Variants in COMMD9 observed in about 807,000 individuals in gnomAD.
COMMD9 encodes COMM domain-containing protein 9.
COMMD9 carries 22 observed loss-of-function variants against 23.4 expected under a neutral mutation model. That is an observed-to-expected ratio of 0.94 (90% CI 0.67 to 1.34). The LOEUF (loss-of-function observed/expected upper bound fraction) is 1.34, where lower values mean the gene tolerates loss of function less well. Among genes scored for constraint, COMMD9 ranks in the 40% most tolerant of loss-of-function variants. The pLI, the probability that COMMD9 is intolerant of heterozygous loss-of-function variation, is 0.00. For synonymous variants in COMMD9, 99 were observed against 97.4 expected (o/e 1.02, Z -0.10); for missense variants, 231 against 240.2 (o/e 0.96, Z 0.25).
Position 36,280,729 on chromosome 11 carries a change from G to GGGTC in COMMD9, c.156_159dup (p.Gln54AspfsTer17), listed in dbSNP as rs780606592. 1 of 1,604,250 alleles carries GGGTC rather than the reference G, an allele frequency of 6.2e-7. No homozygotes were observed. Among genetic ancestry groups the GGGTC allele is most frequent in the South Asian group, 1.1e-5 (1 of 89,442 alleles). On this transcript the variant is annotated frameshift_variant, in exon 2 of 6. Coordinates refer to ENST00000263401, the MANE Select transcript of COMMD9 (RefSeq NM_014186.4). LOFTEE classifies it high-confidence loss of function. ...ACACTTACTTCCTCTGCCTCCTCCTGGGTCACAGACAAGCTGGAACATGTA... is the reference window on the plus strand; with the variant it reads ...ACACTTACTTCCTCTGCCTCCTCCTGGGTCGGTCACAGACAAGCTGGAACATGTA...
chr11:36,289,312 G>A, intron 1 of COMMD9, 50 bp downstream of exon 1: 1 of 1,530,616 alleles, frequency 6.5e-7, no homozygotes, highest in Non-Finnish European at 8.8e-7. Flanking sequence ...TCCGTCTAAA[G>A]TCTCGGAGAC....
chr11:36,280,815 C>A lies in COMMD9; in HGVS notation c.74G>T (p.Arg25Ile). 6.3e-7 allele frequency: 1 copy of A among 1,593,248 alleles called. No individual in the cohort carries two copies. The highest frequency in any genetic ancestry group is 1.1e-5 in the South Asian group (1 of 87,894). The change falls in exon 2 of 6, where the codon AGA (arginine) becomes ATA (isoleucine). Residue 25 changes from arginine (R) to isoleucine (I), a missense_variant. Transcript: ENST00000263401. ...LLKASSKDVV[R>I]QLCQESFSSS... Reference sequence around the variant, plus strand: ...GGAAAAGCTTTCTTGACACAGCTGTCTGACAACATCTTTCGAGGAGGCCTA... The same window carrying A: ...GGAAAAGCTTTCTTGACACAGCTGTATGACAACATCTTTCGAGGAGGCCTA...
intron 1 of COMMD9, among the ~76,000 whole-genome samples, chr11:36,284,158 A>G (rs1418589867): frequency 6.6e-6 from 1 of 152,140 alleles, no homozygotes; most frequent in Non-Finnish European, 1.5e-5. Flanking sequence ...CCCTTCAAAT[A>G]TAAGACATAA....
Position 36,273,622 on chromosome 11 carries a change from C to CT in COMMD9, c.*1009_*1010insA, listed in dbSNP as rs1211709695. 2 of 152,378 alleles carry CT rather than the reference C, an allele frequency of 1.3e-5. No homozygotes were observed. The highest frequency in any genetic ancestry group is 2.4e-5 in the African/African-American group (1 of 41,464). 9.4% of individuals were successfully genotyped at this position (152,378 alleles called of 1,614,324 possible). A position where few individuals can be genotyped will look rare whatever the true frequency, so the allele number is the denominator to read the frequency against. ...TCAGCCTCCCGAGGAGCTGGGACTA[C>CT]AGATGCCCGCCACCGCGCCCAGCTA... On this transcript the variant is annotated 3_prime_UTR_variant, in exon 6 of 6. Coordinates refer to ENST00000263401, the MANE Select transcript of COMMD9 (RefSeq NM_014186.4).
rs1046931831 is a variant in COMMD9, at chr11:36,273,591, C to T, written c.*1041G>A. 1 of 152,314 alleles carries T rather than the reference C, an allele frequency of 6.6e-6. No individual in the cohort carries two copies. Among genetic ancestry groups the T allele is most frequent in the African/African-American group, 2.4e-5 (1 of 41,464 alleles). 9.4% of individuals were successfully genotyped at this position (152,314 alleles called of 1,614,324 possible). On this transcript the variant is annotated 3_prime_UTR_variant, in exon 6 of 6. Transcript: ENST00000263401. ...CTGCCTCCCAGGTTCACGCCATTCT[C>T]CTGCCTCAGCCTCCCGAGGAGCTGG...
chr11:36,276,917 C>T, intron 4 of COMMD9, 172 bp downstream of exon 4: 1 of 429,910 alleles, frequency 2.3e-6, no homozygotes. Flanking sequence ...TGTTTATAAT[C>T]AGAAAAAAGT....
At chr11:36,280,334 G>C (rs1453952642) in intron 2 of COMMD9, among the ~76,000 whole-genome samples, 1 of 152,154 alleles carries the variant, frequency 6.6e-6, no homozygotes, top group Non-Finnish European at 1.5e-5. Flanking sequence ...GCACCCCTCA[G>C]GAAGCCTGAT....
rs1422745044 is a variant in COMMD9 at position 36,274,622 on chromosome 11, G to A, written c.*10C>T. 1.2e-6 allele frequency: 2 copies of A among 1,614,150 alleles called. No individual in the cohort carries two copies. ...CTGGGTCATGGCAGTGGCCCTGGCA[G>A]CTGGCTGGATCATTTACTGGCCACG... On this transcript the variant is annotated 3_prime_UTR_variant, in exon 6 of 6. Transcript: ENST00000263401.
At chr11:36,285,399 G>A (rs1403065547) in intron 1 of COMMD9, among the ~76,000 whole-genome samples, 2 of 151,988 alleles carry the variant, frequency 1.3e-5, no homozygotes, top group African/African-American at 4.8e-5. Flanking sequence ...GACCCAGATA[G>A]TTTAACTGGA....
chr11:36,286,395 C>CA (rs138463305), intron 1 of COMMD9, among the ~76,000 whole-genome samples: 53 of 76,896 alleles, frequency 6.9e-4, no homozygotes, highest in Admixed American at 1.5e-3. Context: ...ACTAAAAATA[C>CA]AAAAAAAAAA....
rs555490240 is a variant in COMMD9 at position 36,276,224 on chromosome 11, C to T, written c.369G>A (p.Leu123=). 1.2e-6 allele frequency: 2 copies of T among 1,613,824 alleles called. No homozygotes were observed. Among genetic ancestry groups the T allele is most frequent in the Admixed American group, 1.7e-5 (1 of 60,028 alleles). The change falls in exon 5 of 6, where the codon CTG becomes CTA. Residue 123 remains leucine (L), a synonymous_variant. Coordinates refer to ENST00000263401, the MANE Select transcript of COMMD9 (RefSeq NM_014186.4). Reference sequence around the variant, plus strand: ...TATCCACTCTCCAGTCCAGATCGACCAGGCGTGGCAGAGAGACTGTGGAAG... The same window carrying T: ...TATCCACTCTCCAGTCCAGATCGACTAGGCGTGGCAGAGAGACTGTGGAAG... ...AQANQISLPR[L]VDLDWRVDIK...
intron 3 of COMMD9, among the ~76,000 whole-genome samples, chr11:36,277,878 G>A (rs72946157): frequency 0.039 from 5,946 of 152,262 alleles, 195 homozygotes; most frequent in East Asian, 0.11. Flanking sequence ...AGGGAGAGGG[G>A]TACACTTGTA....
chr11:36,280,792 A>G lies in COMMD9; in HGVS notation c.97T>C (p.Ser33Pro). 6.2e-7 allele frequency: 1 copy of G among 1,609,842 alleles called. No individual in the cohort carries two copies. The highest frequency in any genetic ancestry group is 1.7e-5 in the Admixed American group (1 of 59,708). The change falls in exon 2 of 6, where the codon TCC becomes CCC. Residue 33 changes from serine to proline, a missense_variant. Physicochemically the swap from Ser to Pro is moderately conservative, Grantham distance 74. Coordinates refer to ENST00000263401, the MANE Select transcript of COMMD9 (RefSeq NM_014186.4). ...TTTTTCAAGCCAAGGGCTGAACTGG[A>G]AAAGCTTTCTTGACACAGCTGTCTG... ...VVRQLCQESFSSSALGLKKLL... is the reference protein window; with the variant it reads ...VVRQLCQESFPSSALGLKKLL...
At chr11:36,276,316 T>C in intron 4 of COMMD9, 76 bp from the exon 5 acceptor site, 1 of 997,742 alleles carries the variant, frequency 1.0e-6, no homozygotes, top group Non-Finnish European at 1.6e-6. Flanking sequence ...CAGGCGGCTC[T>C]GAGGACTGCA....
At chr11:36,277,173 T>C (rs772452526) in intron 3 of COMMD9, 50 bp from the exon 4 acceptor site, 15 of 1,384,582 alleles carry the variant, frequency 1.1e-5, no homozygotes, top group Non-Finnish European at 1.5e-5. Flanking sequence ...GGGATGAGAC[T>C]GACTCTTCTG....
At chr11:36,278,637 C>A (rs780376569) in intron 2 of COMMD9, 21 bp from the exon 3 acceptor site, 2 of 1,609,914 alleles carry the variant, frequency 1.2e-6, no homozygotes, top group Admixed American at 1.7e-5. Context: ...AACGGAACCA[C>A]CTGTAGCTGT....
At chr11:36,276,946 A>C in intron 4 of COMMD9, 143 bp downstream of exon 4, 1 of 517,064 alleles carries the variant, frequency 1.9e-6, no homozygotes, top group East Asian at 3.5e-5. Flanking sequence ...AGAATTAGGG[A>C]AAAAACCCAC....
In COMMD9 at chr11:36,278,493, T is replaced by C. The variant is rs1261857739; in HGVS notation, c.301A>G (p.Ile101Val). 4.3e-6 allele frequency: 7 copies of C among 1,613,948 alleles called. No individual in the cohort carries two copies. The highest frequency in any genetic ancestry group is 2.2e-5 in the East Asian group (1 of 44,890). Residue 101 changes from isoleucine to valine, a missense_variant, in exon 3 of 6, where the codon ATC (isoleucine) becomes GTC (valine). Physicochemically the swap from Ile to Val is conservative, Grantham distance 29. Transcript: ENST00000263401. ...AGCACTTACACATGTTCTAGGATGATCTTTGTCAGCAGGTTTTTGAGGTTT... is the reference window on the plus strand; with the variant it reads ...AGCACTTACACATGTTCTAGGATGACCTTTGTCAGCAGGTTTTTGAGGTTT... ...HQNLKNLLTK[I>V]ILEHVSTWRT... is the part of the protein sequence containing the mutation.
chr11:36,275,890 T>C (rs1050218450), intron 5 of COMMD9, among the ~76,000 whole-genome samples: 2 of 152,352 alleles, frequency 1.3e-5, no homozygotes, highest in South Asian at 2.1e-4. Flanking sequence ...GCTAAGAGTA[T>C]AGGGTTACCT....
Sources: gnomAD v4.1 joint callset for allele counts (sites outside exome capture counted in the v4.1 genomes callset) on GRCh38, gnomAD v4.1.1 for gene constraint, MANE v1.5 for transcripts, NCBI Gene and HGNC (gene_info 2026-07-23, HGNC 2026-07-21) for gene names.